The following CNTNAP3B variants were observed in gnomAD, a reference collection of about 807,000 sequenced individuals.
CNTNAP3B encodes the protein contactin associated protein family member 3B.
A neutral mutation model predicts 108.9 loss-of-function variants in CNTNAP3B; 25 were observed. That is an observed-to-expected ratio of 0.23 (90% CI 0.17 to 0.32). The LOEUF (loss-of-function observed/expected upper bound fraction) is 0.32. CNTNAP3B is among the 10% of genes least tolerant of loss of function. The probability of loss-of-function intolerance (pLI) is 1.00; values close to 1 mark genes in which losing one functional copy is unlikely to be tolerated. For synonymous variants in CNTNAP3B, 103 were observed against 473.4 expected (o/e 0.22, Z 10.16); for missense variants, 252 against 1,210.4 (o/e 0.21, Z 11.75).
In CNTNAP3B at chr9:41,893,872, G is replaced by A; in HGVS notation, c.*117C>T. The A allele has an allele frequency of 8.1e-5, 8 of 99,310 alleles. No homozygotes were observed. Among genetic ancestry groups the A allele is most frequent in the South Asian group, 4.1e-4 (8 of 19,668 alleles). The allele number at this position is 99,310 out of a possible 1,614,324, so 6.2% of individuals were successfully genotyped here. A position where few individuals can be genotyped will look rare whatever the true frequency, so the allele number is the denominator to read the frequency against. On this transcript the variant is annotated 3_prime_UTR_variant, in exon 24 of 24. Coordinates refer to ENST00000377561, the MANE Select transcript of CNTNAP3B (RefSeq NM_001201380.3). The stretch of plus-strand genomic sequence containing the variant: ...TGCTGTGTGCACCCTGATGGCAACA[G>A]CAGGGAAGTCCACAGTCACGATGAT...
intron 14 of CNTNAP3B, among the ~76,000 whole-genome samples, chr9:41,932,521 T>C (rs1824009058): frequency 1.0e-3 from 1 of 966 alleles, no homozygotes; most frequent in South Asian, 0.05. Context: ...TTTTTTCTTC[T>C]TTTTTTTTTT....
At position 42,037,417 on chromosome 9, in the gene CNTNAP3B, A is replaced by G. The variant is rs1444374908; in HGVS notation, c.391-23892T>C. On this transcript the variant is annotated intron_variant, in intron 3 of 23. Transcript: ENST00000377561. ...ACACGAATGGCTAACTAGAATAAAC[A>G]GTGTAGAGAAGTCCTTAAATGACCT... is the stretch of plus-strand genomic sequence containing the variant. 1.5e-5 allele frequency among the ~76,000 whole-genome samples: 2 copies of G among 129,362 alleles called. 1 individual carries two copies. Among genetic ancestry groups the G allele is most frequent in the African/African-American group, 6.3e-5 (2 of 31,898 alleles). The allele number at this position is 129,362 out of a possible 152,430, so 84.9% of individuals were successfully genotyped here. A position where few individuals can be genotyped will look rare whatever the true frequency, so the allele number is the denominator to read the frequency against.
intron 9 of CNTNAP3B, among the ~76,000 whole-genome samples, 195 bp from the exon 10 acceptor site, chr9:41,970,440 A>G (rs1189340715): frequency 5.0e-5 from 1 of 19,862 alleles, no homozygotes; most frequent in Non-Finnish European, 9.7e-5. Context: ...TGGAATTCAG[A>G]ATAAGAAATT....
chr9:41,934,100 C>CATATATATATACATAT (rs1824066951), intron 14 of CNTNAP3B, among the ~76,000 whole-genome samples: 1 of 90,224 alleles, frequency 1.1e-5, no homozygotes, highest in Admixed American at 1.3e-4. Flanking sequence ...ATATTTGTTA[C>CATATATATATACATAT]ATATATATAT....
At chr9:41,914,592 A>T (rs1823479818) in intron 18 of CNTNAP3B, among the ~76,000 whole-genome samples, 1 of 150,014 alleles carries the variant, frequency 6.7e-6, no homozygotes, top group Non-Finnish European at 1.5e-5. Flanking sequence ...CCACTGCCAA[A>T]TCCAAGATCA....
chr9:42,095,045 C>A (rs111320510), intron 2 of CNTNAP3B, among the ~76,000 whole-genome samples: 2 of 51,248 alleles, frequency 3.9e-5, no homozygotes, highest in Non-Finnish European at 9.3e-5. Context: ...AGTTAAAATT[C>A]TCTCATATAT....
Position 42,115,108 on chromosome 9 carries a change from A to T in CNTNAP3B, c.86-10369T>A, listed in dbSNP as rs1356405862. Among the ~76,000 whole-genome samples the T allele has an allele frequency of 1.8e-4, 25 of 138,284 alleles. 6 individuals are homozygous for T. Among genetic ancestry groups the T allele is most frequent in the African/African-American group, 8.6e-5 (3 of 34,782 alleles). 90.7% of individuals were successfully genotyped at this position (138,284 alleles called of 152,430 possible). On this transcript the variant is annotated intron_variant, in intron 1 of 23. Coordinates refer to ENST00000377561, the MANE Select transcript of CNTNAP3B (RefSeq NM_001201380.3). ...AAGGAACATTAAAAGGAGGCAATAT[A>T]AAGCAAAGTGAGTTAAAGCCCAGAA...
At chr9:42,042,991 T>C (rs968816215) in intron 3 of CNTNAP3B, among the ~76,000 whole-genome samples, 1 of 149,868 alleles carries the variant, frequency 6.7e-6, no homozygotes, top group Admixed American at 6.6e-5. Flanking sequence ...ATTCAAATCA[T>C]CATCATCATC....
intron 11 of CNTNAP3B, among the ~76,000 whole-genome samples, chr9:41,962,901 G>A (rs566827974): frequency 4.0e-5 from 6 of 151,802 alleles, no homozygotes; most frequent in South Asian, 2.1e-4. Flanking sequence ...CTTGCAGTGA[G>A]CTGAGATCAT....
rs984777106 is a variant in CNTNAP3B at position 42,032,931 on chromosome 9, C to T, written c.391-19406G>A. ...ACCACCGTCCTACAGGATTAGTGCC[C>T]TACTCTTATGACCTTATTTAACCTT... On this transcript the variant is annotated intron_variant, in intron 3 of 23. Coordinates refer to ENST00000377561, the MANE Select transcript of CNTNAP3B (RefSeq NM_001201380.3). Among the ~76,000 whole-genome samples, 21 of 140,922 alleles carry T rather than the reference C, an allele frequency of 1.5e-4. No homozygotes were observed. The South Asian group carries it at 2.5e-3, about 17-fold the overall frequency. The allele number at this position is 140,922 out of a possible 152,430, so 92.5% of individuals were successfully genotyped here. A position where few individuals can be genotyped will look rare whatever the true frequency, so the allele number is the denominator to read the frequency against.
chr9:42,111,206 C>T lies in CNTNAP3B; in HGVS notation c.86-6467G>A, dbSNP rs1252016816. Among the ~76,000 whole-genome samples, 7 of 139,382 alleles carry T rather than the reference C, an allele frequency of 5.0e-5. 1 individual carries two copies. The highest frequency in any genetic ancestry group is 7.1e-5 in the Admixed American group (1 of 13,990). 91.4% of individuals were successfully genotyped at this position (139,382 alleles called of 152,430 possible). ...GAATGGGAACAGAACCTGGGACTTTCGAATGAATAACAGCAGAACTTGGGA... is the reference window on the plus strand; with the variant it reads ...GAATGGGAACAGAACCTGGGACTTTTGAATGAATAACAGCAGAACTTGGGA... On this transcript the variant is annotated intron_variant, in intron 1 of 23. Coordinates refer to ENST00000377561, the MANE Select transcript of CNTNAP3B (RefSeq NM_001201380.3).
chr9:42,123,654 T>C (rs916988476), intron 1 of CNTNAP3B, among the ~76,000 whole-genome samples: 2 of 136,938 alleles, frequency 1.5e-5, no homozygotes, highest in Non-Finnish European at 3.1e-5. Context: ...ATTCCCAATA[T>C]GTATATATAT....
intron 14 of CNTNAP3B, among the ~76,000 whole-genome samples, chr9:41,933,493 T>C (rs1284336575): frequency 2.0e-5 from 3 of 152,272 alleles, no homozygotes; most frequent in Admixed American, 6.5e-5. Context: ...TCCATAAAAG[T>C]ACTGCAGTTA....
chr9:41,951,164 G>T (rs1463137661), intron 13 of CNTNAP3B, among the ~76,000 whole-genome samples: 1 of 143,082 alleles, frequency 7.0e-6, no homozygotes, highest in Non-Finnish European at 1.5e-5. Flanking sequence ...ACCTTGGGGT[G>T]GGGGAACTGC....
At position 42,049,300 on chromosome 9, in the gene CNTNAP3B, C is replaced by T. The variant is rs1277199864; in HGVS notation, c.390+27569G>A. Among the ~76,000 whole-genome samples, 2 of 139,658 alleles carry T rather than the reference C, an allele frequency of 1.4e-5. 1 individual carries two copies. Among genetic ancestry groups the T allele is most frequent in the African/African-American group, 5.7e-5 (2 of 35,218 alleles). The allele number at this position is 139,658 out of a possible 152,430, so 91.6% of individuals were successfully genotyped here. ...CAGATCTCTCACTCCCACACTATAG[C>T]TTCTTTGACATGCTGACTCTTTCTG... On this transcript the variant is annotated intron_variant, in intron 3 of 23. Transcript: ENST00000377561.
chr9:42,090,914 T>A (rs1163140350), intron 2 of CNTNAP3B, among the ~76,000 whole-genome samples: 2 of 72,050 alleles, frequency 2.8e-5, no homozygotes, highest in Non-Finnish European at 2.8e-5. Context: ...AAATATAAAG[T>A]TCTTGAAATT....
rs547147805 is a variant in CNTNAP3B, at chr9:41,952,542, G to A, written c.2080+641C>T. On this transcript the variant is annotated intron_variant, in intron 13 of 23. Transcript: ENST00000377561. ...GGACTGTGGGGATTCCGGAAAGGAG[G>A]GGGAAGTTGGTCTTTAACTTAGGAG... Among the ~76,000 whole-genome samples, 75 of 152,324 alleles carry A rather than the reference G, an allele frequency of 4.9e-4. No individual in the cohort carries two copies. The East Asian group carries it at 0.01, about 21-fold the overall frequency.
intron 13 of CNTNAP3B, among the ~76,000 whole-genome samples, chr9:41,939,205 T>G (rs1156455081): frequency 2.0e-5 from 3 of 152,268 alleles, no homozygotes; most frequent in Non-Finnish European, 4.4e-5. Context: ...AAAAAGCAGG[T>G]GTCAGGCCAC....
chr9:41,964,109 A>C (rs1825191093), intron 11 of CNTNAP3B, among the ~76,000 whole-genome samples: 1 of 152,304 alleles, frequency 6.6e-6, no homozygotes, highest in Admixed American at 6.5e-5. Context: ...ATTGTTAAAA[A>C]ATCTTTAAAT....
Sources: allele counts gnomAD v4.1 joint callset (sites outside exome capture counted in the v4.1 genomes callset), GRCh38; gene constraint gnomAD v4.1.1; transcripts MANE v1.5; gene names NCBI Gene and HGNC (gene_info 2026-07-23, HGNC 2026-07-21).